The following DYSF variants were observed in gnomAD, a reference collection of about 807,000 sequenced individuals.
DYSF encodes the protein dystrophy-associated fer-1-like 1.
A neutral mutation model predicts 274.9 loss-of-function variants in DYSF; 212 were observed. That is an observed-to-expected ratio of 0.77 (90% CI 0.69 to 0.86). The LOEUF is 0.86. DYSF is among the 40% of genes least tolerant of loss of function. DYSF has a pLI of 0.00. For missense variants in DYSF, 2,666 were observed against 2,783.2 expected (o/e 0.96, Z 0.95); for synonymous variants, 1,091 against 1,078.7 (o/e 1.01, Z -0.22).
At position 71,474,051 on chromosome 2, in the gene DYSF, C is replaced by G. The variant is rs145891268; in HGVS notation, c.92-6832C>G. Among the ~76,000 whole-genome samples the G allele has an allele frequency of 8.1e-3, 1,233 of 151,832 alleles. 11 individuals are homozygous for G. The highest frequency in any genetic ancestry group is 0.028 in the African/African-American group (1,167 of 41,360). On this transcript the variant is annotated intron_variant, in intron 1 of 55. Coordinates refer to ENST00000410020, the MANE Select transcript of DYSF (RefSeq NM_001130987.2). The stretch of plus-strand genomic sequence containing the variant: ...GAGTGATTCTCTTCCCTCAGCCTCC[C>G]GAGTAGCTGGGATTACAGGCATGTG...
intron 30 of DYSF, among the ~76,000 whole-genome samples, chr2:71,585,677 G>T (rs2093042145): frequency 6.6e-6 from 1 of 152,158 alleles, no homozygotes. Flanking sequence ...TTTCCCTGAG[G>T]CAGGTGCCCA....
intron 33 of DYSF, 75 bp from the exon 34 acceptor site, chr2:71,600,627 A>G (rs2093526772): frequency 3.7e-6 from 6 of 1,605,844 alleles, no homozygotes; most frequent in Non-Finnish European, 5.1e-6. Context: ...AGGCACATGT[A>G]GACCTGATCT....
At position 71,483,584 on chromosome 2, in the gene DYSF, GA is replaced by G. The variant is rs772907012; in HGVS notation, c.239+1615del. ...GAAGTGGGTGGTGGGGAAGAATTGAGAGGGGGGTCTCCAATGCCAGGCTGAG... is the reference window on the plus strand; with the variant it reads ...GAAGTGGGTGGTGGGGAAGAATTGAGGGGGGGTCTCCAATGCCAGGCTGAG... On this transcript the variant is annotated intron_variant, in intron 3 of 55. Coordinates refer to ENST00000410020, the MANE Select transcript of DYSF (RefSeq NM_001130987.2). Among the ~76,000 whole-genome samples the G allele has an allele frequency of 2.6e-5, 4 of 152,220 alleles. No individual in the cohort carries two copies. The East Asian group carries it at 5.8e-4, about 22-fold the overall frequency.
At chr2:71,528,258 G>C (rs1261262341) in intron 13 of DYSF, 40 bp from the exon 14 acceptor site, 10 of 1,565,928 alleles carry the variant, frequency 6.4e-6, no homozygotes, top group Non-Finnish European at 8.8e-6. Context: ...TTAGAGGAGA[G>C]ACAGCAGGCA....
intron 8 of DYSF, 88 bp from the exon 9 acceptor site, chr2:71,516,092 G>A (rs905658646): frequency 4.3e-5 from 56 of 1,306,102 alleles, no homozygotes; most frequent in South Asian, 3.0e-4. Context: ...ACTGCTAGGC[G>A]TGGAGGCTTG....
chr2:71,487,007 G>A (rs1226078610), intron 3 of DYSF, among the ~76,000 whole-genome samples: 2 of 152,168 alleles, frequency 1.3e-5, no homozygotes, highest in African/African-American at 4.8e-5. Context: ...ACCCACTCAT[G>A]CCTGAGCCTT....
Position 71,570,300 on chromosome 2 carries a change from G to T in DYSF, c.3051G>T (p.Trp1017Cys), listed in dbSNP as rs28937581. 1.2e-5 allele frequency: 20 copies of T among 1,613,994 alleles called. No individual in the cohort carries two copies. The East Asian group carries it at 4.2e-4, about 34-fold the overall frequency. Reference sequence around the variant, plus strand: ...GCTGGAAGTGGGAAGATGAGGAATGGTCCACAGACCTCAACCGGGCTGTCG... The same window carrying T: ...GCTGGAAGTGGGAAGATGAGGAATGTTCCACAGACCTCAACCGGGCTGTCG... ...PLGWKWEDEEWSTDLNRAVDE... is the reference protein window; with the variant it reads ...PLGWKWEDEECSTDLNRAVDE... The change falls in exon 28 of 56, where the codon TGG (tryptophan) becomes TGT (cysteine). Residue 1017 changes from tryptophan (W) to cysteine (C), a missense_variant. By Grantham distance (215) the Trp-to-Cys change is radical. Coordinates refer to ENST00000410020, the MANE Select transcript of DYSF (RefSeq NM_001130987.2).
At chr2:71,513,383 C>T (rs762988739) in intron 6 of DYSF, 51 bp downstream of exon 6, 2 of 1,523,118 alleles carry the variant, frequency 1.3e-6, no homozygotes, top group Non-Finnish European at 1.8e-6. Flanking sequence ...CTGTAACTGT[C>T]TCACTAGCTG....
chr2:71,658,796 A>G (rs1260209121), intron 43 of DYSF, 82 bp from the exon 44 acceptor site: 1 of 1,560,276 alleles, frequency 6.4e-7, no homozygotes, highest in African/African-American at 1.4e-5. Context: ...GATACAATTC[A>G]AGTTGAGATT....
At chr2:71,563,940 G>C (rs1283208488) in intron 23 of DYSF, 118 bp from the exon 24 acceptor site, 3 of 1,418,282 alleles carry the variant, frequency 2.1e-6, no homozygotes, top group Non-Finnish European at 2.0e-6. Flanking sequence ...GTGTGGGATG[G>C]AAGCTGGGAG....
At chr2:71,507,059 T>G (rs542014016) in intron 4 of DYSF, among the ~76,000 whole-genome samples, 2 of 152,190 alleles carry the variant, frequency 1.3e-5, no homozygotes, top group South Asian at 2.1e-4. Flanking sequence ...GCCCTCTCTC[T>G]GGAGAGGGCT....
rs191214337 is a variant in DYSF at position 71,676,722 on chromosome 2, C to T, written c.5885-2335C>T. 3.3e-5 allele frequency among the ~76,000 whole-genome samples: 5 copies of T among 152,088 alleles called. No homozygotes were observed. The East Asian group carries it at 9.7e-4, about 29-fold the overall frequency. On this transcript the variant is annotated intron_variant, in intron 52 of 55. Transcript: ENST00000410020. ...TCATCCTTTGTTTTAAAAAATAAAA[C>T]CATTAACGAATACTAGCTTTTATAT...
At chr2:71,582,106 CAAAAAAAAAA>C (rs1159294834) in intron 30 of DYSF, among the ~76,000 whole-genome samples, 3 of 35,118 alleles carry the variant, frequency 8.5e-5, no homozygotes, top group African/African-American at 2.9e-4. Flanking sequence ...GACTCCGTCT[CAAAAAAAAAA>C]AAAAAAAAAA....
At chr2:71,473,137 A>G (rs985982886) in intron 1 of DYSF, among the ~76,000 whole-genome samples, 3 of 152,156 alleles carry the variant, frequency 2.0e-5, no homozygotes, top group Non-Finnish European at 4.4e-5. Context: ...TAGGGGAGAC[A>G]GCTGCCCAGT....
Position 71,656,200 on chromosome 2 carries a change from G to A in DYSF, c.4665G>A (p.Glu1555=), listed in dbSNP as rs2094766440. 6.2e-7 allele frequency: 1 copy of A among 1,614,154 alleles called. No homozygotes were observed. Among genetic ancestry groups the A allele is most frequent in the Admixed American group, 1.7e-5 (1 of 60,010 alleles). The part of the protein sequence containing the change: ...DTQLENVEAF[E]GLSDFCNTFK... ...AGCTGGAGAATGTGGAGGCCTTTGA[G>A]GGCCTGTCTGACTTTTGTAACACCT... The change falls in exon 43 of 56, where the codon GAG becomes GAA. Residue 1555 remains glutamate, a synonymous_variant. Transcript: ENST00000410020.
chr2:71,582,834 A>G (rs976553684), intron 30 of DYSF, among the ~76,000 whole-genome samples: 1 of 152,138 alleles, frequency 6.6e-6, no homozygotes, highest in African/African-American at 2.4e-5. Flanking sequence ...TCACAGATAC[A>G]TGAGATGGAA....
intron 51 of DYSF, among the ~76,000 whole-genome samples, chr2:71,671,865 C>T (rs764295609): frequency 4.6e-5 from 7 of 152,052 alleles, no homozygotes; most frequent in African/African-American, 1.2e-4. Context: ...AACCCGTGGG[C>T]GAGTTCCAGA....
intron 1 of DYSF, among the ~76,000 whole-genome samples, chr2:71,475,300 A>G (rs890889713): frequency 9.9e-5 from 15 of 151,802 alleles, no homozygotes; most frequent in Non-Finnish European, 2.1e-4. Context: ...CTTGCAGTCA[A>G]CGTGGAAAGA....
chr2:71,513,469 G>A (rs1335821361), intron 6 of DYSF, 137 bp downstream of exon 6: 1 of 962,956 alleles, frequency 1.0e-6, no homozygotes, highest in African/African-American at 1.6e-5. Flanking sequence ...GGAGGGCTAG[G>A]GCCATTCTGT....
Sources: allele counts gnomAD v4.1 joint callset (sites outside exome capture counted in the v4.1 genomes callset), GRCh38; gene constraint gnomAD v4.1.1; transcripts MANE v1.5; gene names NCBI Gene and HGNC (gene_info 2026-07-23, HGNC 2026-07-21).